The following ZNF449 variants were observed in gnomAD, a reference collection of about 807,000 sequenced individuals.
ZNF449 encodes the protein zinc finger and SCAN domain-containing protein 19.
ZNF449 carries 4 observed loss-of-function variants against 32.6 expected under a neutral mutation model. That is an observed-to-expected ratio of 0.12 (90% CI 0.06 to 0.28). ZNF449 has a LOEUF of 0.28. Ranked by LOEUF, ZNF449 falls within the 10% of genes least tolerant of loss-of-function variation. ZNF449 has a pLI of 1.00. For missense variants in ZNF449, 275 were observed against 383.2 expected (o/e 0.72, Z 2.36); for synonymous variants, 123 against 132.2 (o/e 0.93, Z 0.48).
rs782065401 is a variant in ZNF449 at position 135,360,691 on chromosome X, G to T, written c.1172G>T (p.Arg391Leu). The T allele has an allele frequency of 8.3e-7, 1 of 1,209,029 alleles. No individual in the cohort carries two copies. The highest frequency in any genetic ancestry group is 1.1e-6 in the Non-Finnish European group (1 of 894,905). Residue 391 changes from arginine (R) to leucine (L), a missense_variant, in exon 5 of 5, where the codon CGG becomes CTG. This residue lies in a region of ZNF449 where 80 missense variants were observed against 146.6 expected (regional missense o/e 0.55). Transcript: ENST00000339249. ...GTATGTAAAAAGCGATTCACTCGGCGGTCACATCTTATAGGGCACCAGAGA... is the reference window on the plus strand; with the variant it reads ...GTATGTAAAAAGCGATTCACTCGGCTGTCACATCTTATAGGGCACCAGAGA... ...CTVCKKRFTR[R>L]SHLIGHQRTH...
In ZNF449 at chrX:135,360,439, C is replaced by A. The variant is rs1220046418; in HGVS notation, c.920C>A (p.Pro307His). 1 of 1,209,582 alleles carries A rather than the reference C, an allele frequency of 8.3e-7. No homozygotes were observed. Among genetic ancestry groups the A allele is most frequent in the African/African-American group, 1.8e-5 (1 of 57,039 alleles). The part of the protein sequence containing the change: ...ETPENSNLEE[P>H]LNPKPHKKKS... ...CCTGAGAACTCCAACTTGGAAGAAC[C>A]TCTCAACCCTAAACCCCACAAGAAA... The change falls in exon 5 of 5, where the codon CCT becomes CAT. Residue 307 changes from proline to histidine, a missense_variant. Coordinates refer to ENST00000339249, the MANE Select transcript of ZNF449 (RefSeq NM_152695.6).
At chrX:135,359,566 T>C (rs2084934275) in intron 3 of ZNF449, among the ~76,000 whole-genome samples, 1 of 111,625 alleles carries the variant, frequency 9.0e-6, no homozygotes, top group South Asian at 3.7e-4. Context: ...GGCAAAACTT[T>C]ATGAAATTTA....
rs782200731 is a variant in ZNF449, at chrX:135,362,682, G to GAGTGATA, written c.*1607_*1613dup. Reference sequence around the variant, plus strand: ...GTCTTTATTCCATTGAAGTTCTCGAGAGTGATATAAATACTTTGGGGGGTA... The same window carrying GAGTGATA: ...GTCTTTATTCCATTGAAGTTCTCGAGAGTGATAAGTGATATAAATACTTTGGGGGGTA... On this transcript the variant is annotated 3_prime_UTR_variant, in exon 5 of 5. Coordinates refer to ENST00000339249, the MANE Select transcript of ZNF449 (RefSeq NM_152695.6). The GAGTGATA allele has an allele frequency of 4.5e-5, 5 of 112,016 alleles. No homozygotes were observed. The highest frequency in any genetic ancestry group is 9.4e-5 in the Non-Finnish European group (5 of 53,147). 9.2% of individuals were successfully genotyped at this position (112,016 alleles called of 1,213,427 possible).
intron 1 of ZNF449, 64 bp from the exon 2 acceptor site, chrX:135,346,955 C>A: frequency 5.2e-6 from 2 of 385,832 alleles, no homozygotes; most frequent in Non-Finnish European, 8.7e-6. Flanking sequence ...AGAAGTTGAC[C>A]GAGGTAAGTA....
Position 135,360,774 on chromosome X carries a change from G to A in ZNF449, c.1255G>A (p.Gly419Arg). The A allele has an allele frequency of 8.3e-7, 1 of 1,211,224 alleles. No individual in the cohort carries two copies. The highest frequency in any genetic ancestry group is 1.8e-5 in the South Asian group (1 of 56,883). The change falls in exon 5 of 5, where the codon GGA becomes AGA. Residue 419 changes from glycine to arginine, a missense_variant. By Grantham distance (125) the Gly-to-Arg change is moderately radical. Coordinates refer to ENST00000339249, the MANE Select transcript of ZNF449 (RefSeq NM_152695.6). The stretch of plus-strand genomic sequence containing the variant: ...TGAGTGTGGGAAAAGTTTTTGTCAT[G>A]GATCAAGTCTTAAAAGACATCTGAA... ...CLECGKSFCH[G>R]SSLKRHLKTH...
intron 3 of ZNF449, among the ~76,000 whole-genome samples, chrX:135,357,035 T>C (rs782283291): frequency 8.9e-6 from 1 of 111,762 alleles, no homozygotes; most frequent in African/African-American, 3.2e-5. Context: ...TAGATAAAAG[T>C]CCCTTATTAG....
At chrX:135,356,740 C>A (rs1224737062) in intron 3 of ZNF449, among the ~76,000 whole-genome samples, 1 of 111,433 alleles carries the variant, frequency 9.0e-6, no homozygotes, top group Non-Finnish European at 1.9e-5. Flanking sequence ...ATATTGTATT[C>A]TTACAATAAG....
chrX:135,346,980 C>T, intron 1 of ZNF449, 39 bp from the exon 2 acceptor site: 1 of 532,090 alleles, frequency 1.9e-6, no homozygotes, highest in Non-Finnish European at 2.9e-6. Flanking sequence ...CTCTTGTGAC[C>T]ACTCCTGTTT....
chrX:135,360,359 A>G lies in ZNF449; in HGVS notation c.840A>G (p.Leu280=). 1 of 1,211,288 alleles carries G rather than the reference A, an allele frequency of 8.3e-7. No homozygotes were observed. The highest frequency in any genetic ancestry group is 1.8e-5 in the South Asian group (1 of 56,738). ...ENQWETPPED[L]QTDLAKLVDQ... ...AATGGGAAACCCCCCCAGAGGATTT[A>G]CAGACAGATTTAGCAAAACTGGTAG... Residue 280 remains leucine, a synonymous_variant, in exon 5 of 5, where the codon TTA becomes TTG. Coordinates refer to ENST00000339249, the MANE Select transcript of ZNF449 (RefSeq NM_152695.6).
At chrX:135,345,799 C>T (rs926907064) in intron 1 of ZNF449, among the ~76,000 whole-genome samples, 4 of 110,563 alleles carry the variant, frequency 3.6e-5, no homozygotes, top group Non-Finnish European at 7.6e-5. Context: ...CCTTGAATCC[C>T]CTCCAGAGAA....
intron 2 of ZNF449, 198 bp downstream of exon 2, chrX:135,347,670 C>T (rs1208935626): frequency 1.8e-6 from 2 of 1,099,853 alleles, no homozygotes; most frequent in Non-Finnish European, 2.4e-6. Context: ...CCTTCTATAA[C>T]AAATAGTTTA....
chrX:135,354,446 G>A (rs1359936710), intron 3 of ZNF449, among the ~76,000 whole-genome samples: 1 of 112,427 alleles, frequency 8.9e-6, no homozygotes, highest in Non-Finnish European at 1.9e-5. Context: ...GACATGGACT[G>A]TGAAAATAAG....
chrX:135,354,831 G>A (rs1762051823), intron 3 of ZNF449, among the ~76,000 whole-genome samples: 2 of 111,711 alleles, frequency 1.8e-5, no homozygotes, highest in Admixed American at 9.5e-5. Context: ...GATCTCATGG[G>A]TACCAGATTC....
At position 135,363,360 on chromosome X, in the gene ZNF449, T is replaced by C. The variant is rs2084957519; in HGVS notation, c.*2284T>C. Among the ~76,000 whole-genome samples, 1 of 111,895 alleles carries C rather than the reference T, an allele frequency of 8.9e-6. No individual in the cohort carries two copies. The highest frequency in any genetic ancestry group is 3.3e-5 in the African/African-American group (1 of 30,744). ...AGTTGCAATCATAATATGAGTTGCA[T>C]CCTCCCTCTCATTTATATCAAATAT... On this transcript the variant is annotated 3_prime_UTR_variant, in exon 5 of 5. Coordinates refer to ENST00000339249, the MANE Select transcript of ZNF449 (RefSeq NM_152695.6).
At position 135,349,078 on chromosome X, in the gene ZNF449, C is replaced by T. The variant is rs377055692; in HGVS notation, c.355-32C>T. The T allele has an allele frequency of 5.8e-6, 7 of 1,201,939 alleles. No individual in the cohort carries two copies. The African/African-American group carries it at 1.1e-4, about 18-fold the overall frequency. ...TTCTACTGGGCACTGTTGGTCTAGA[C>T]TTGAGAGTGATGGTTCTGGCATTTC... is the stretch of plus-strand genomic sequence containing the variant. On this transcript the variant is annotated intron_variant, in intron 2 of 4. Coordinates refer to ENST00000339249, the MANE Select transcript of ZNF449 (RefSeq NM_152695.6).
intron 3 of ZNF449, among the ~76,000 whole-genome samples, chrX:135,352,885 A>G (rs1364245507): frequency 8.9e-6 from 1 of 112,236 alleles, no homozygotes; most frequent in Non-Finnish European, 1.9e-5. Flanking sequence ...GGGAACATTC[A>G]ATGAAGCACC....
At chrX:135,355,658 A>C (rs2084912934) in intron 3 of ZNF449, among the ~76,000 whole-genome samples, 1 of 111,919 alleles carries the variant, frequency 8.9e-6, no homozygotes. Context: ...TAATGATGTC[A>C]ATATTTAAAT....
At chrX:135,357,766 GTTTGT>G (rs1556452357) in intron 3 of ZNF449, among the ~76,000 whole-genome samples, 1 of 110,570 alleles carries the variant, frequency 9.0e-6, no homozygotes, top group East Asian at 2.8e-4. Context: ...GGGTTTTTTT[GTTTGT>G]TTTAATGCCT....
At position 135,362,457 on chromosome X, in the gene ZNF449, TCTC is replaced by T. The variant is rs1468516598; in HGVS notation, c.*1382_*1384del. The T allele has an allele frequency of 2.7e-5, 3 of 112,317 alleles. No individual in the cohort carries two copies. The highest frequency in any genetic ancestry group is 9.7e-5 in the African/African-American group (3 of 30,989). 9.3% of individuals were successfully genotyped at this position (112,317 alleles called of 1,213,427 possible). On this transcript the variant is annotated 3_prime_UTR_variant, in exon 5 of 5. Transcript: ENST00000339249. Reference sequence around the variant, plus strand: ...CACACACTGCTACTTATATAAATGTTCTCATGTAATCATGGTAACAGCTCAAAT... The same window carrying T: ...CACACACTGCTACTTATATAAATGTTATGTAATCATGGTAACAGCTCAAAT...
Sources: gnomAD v4.1 joint callset for allele counts (sites outside exome capture counted in the v4.1 genomes callset) on GRCh38, gnomAD v4.1.1 for gene constraint, gnomAD v4.1.1 regional missense constraint, MANE v1.5 for transcripts, NCBI Gene and HGNC (gene_info 2026-07-23, HGNC 2026-07-21) for gene names.